The following PDSS2 variants were observed in gnomAD, a reference collection of about 807,000 sequenced individuals.
PDSS2 encodes decaprenyl diphosphate synthase subunit 2.
PDSS2 carries 31 observed loss-of-function variants against 44.5 expected under a neutral mutation model. The observed-to-expected ratio is 0.70, with a 90% CI of 0.52 to 0.94. The LOEUF (loss-of-function observed/expected upper bound fraction) is 0.94. PDSS2 is among the 40% of genes least tolerant of loss of function. The probability of loss-of-function intolerance (pLI) is 0.00; values close to 1 mark genes in which losing one functional copy is unlikely to be tolerated. For missense variants in PDSS2, 452 were observed against 482.2 expected (o/e 0.94, Z 0.59); for synonymous variants, 157 against 180.3 (o/e 0.87, Z 1.03).
intron 1 of PDSS2, among the ~76,000 whole-genome samples, chr6:107,351,028 T>TATACACAAA (rs1778418645): frequency 6.6e-6 from 1 of 151,878 alleles, no homozygotes; most frequent in Admixed American, 6.6e-5. Flanking sequence ...ATACACAAAT[T>TATACACAAA]AATTTAAATA....
intron 1 of PDSS2, among the ~76,000 whole-genome samples, chr6:107,358,272 G>GC (rs1353293889): frequency 6.6e-6 from 1 of 152,090 alleles, no homozygotes; most frequent in East Asian, 1.9e-4. Flanking sequence ...TGCAAATATT[G>GC]CAAAACTCAA....
rs752471372 is a variant in PDSS2, at chr6:107,274,013, C to A, written c.630+16G>T. 17 of 1,611,054 alleles carry A rather than the reference C, an allele frequency of 1.1e-5. No individual in the cohort carries two copies. Among genetic ancestry groups the A allele is most frequent in the Middle Eastern group, 1.6e-4 (1 of 6,082 alleles). On this transcript the variant is annotated intron_variant, in intron 3 of 7. Transcript: ENST00000369037. The stretch of plus-strand genomic sequence containing the variant: ...CTGAAGCCATTCAGGTACAACAAAA[C>A]CCTGCCCAATTTTACCTTGGTGTTC...
intron 1 of PDSS2, among the ~76,000 whole-genome samples, chr6:107,387,299 A>G (rs867881926): frequency 2.0e-5 from 3 of 152,220 alleles, no homozygotes; most frequent in Admixed American, 6.5e-5. Context: ...TAGAATCTTC[A>G]CTTGCATGAC....
At chr6:107,206,996 GT>G (rs200710467) in intron 6 of PDSS2, among the ~76,000 whole-genome samples, 27,904 of 142,186 alleles carry the variant, frequency 0.2, 3,196 homozygotes, top group East Asian at 0.5. Flanking sequence ...TGCTATTATT[GT>G]TTTTTTTTTT....
chr6:107,318,806 G>C (rs1053406095), intron 2 of PDSS2, among the ~76,000 whole-genome samples: 8 of 152,098 alleles, frequency 5.3e-5, no homozygotes, highest in Admixed American at 3.3e-4. Flanking sequence ...AGGCAACATG[G>C]TGAAACCCCA....
intron 4 of PDSS2, among the ~76,000 whole-genome samples, chr6:107,231,226 T>G (rs535597451): frequency 3.9e-5 from 6 of 152,294 alleles, no homozygotes; most frequent in Non-Finnish European, 5.9e-5. Flanking sequence ...TTTTGTGCAA[T>G]GCAATAAGTT....
intron 4 of PDSS2, among the ~76,000 whole-genome samples, chr6:107,225,155 ATATATATT>A (rs1773761236): frequency 1.9e-5 from 1 of 51,454 alleles, no homozygotes; most frequent in Non-Finnish European, 3.4e-5. Flanking sequence ...ATATATATAT[ATATATATT>A]TTTTTTTTTT....
chr6:107,317,493 T>C (rs762278422), intron 2 of PDSS2, among the ~76,000 whole-genome samples: 1 of 152,198 alleles, frequency 6.6e-6, no homozygotes, highest in Non-Finnish European at 1.5e-5. Context: ...GTGATGAGCC[T>C]ATTTTATCTC....
At position 107,153,583 on chromosome 6, in the gene PDSS2, A is replaced by T. The variant is rs189197020; in HGVS notation, c.*1036T>A. Reference sequence around the variant, plus strand: ...TCCTTTTTCCTTAAAGAAAAAAAAAATTTGGTTCTTTGAAATGTGTTTGAA... The same window carrying T: ...TCCTTTTTCCTTAAAGAAAAAAAAATTTTGGTTCTTTGAAATGTGTTTGAA... On this transcript the variant is annotated 3_prime_UTR_variant, in exon 8 of 8. Coordinates refer to ENST00000369037, the MANE Select transcript of PDSS2 (RefSeq NM_020381.4). 2.4e-4 allele frequency: 37 copies of T among 152,728 alleles called. No homozygotes were observed. The highest frequency in any genetic ancestry group is 7.9e-4 in the African/African-American group (33 of 41,566). 9.5% of individuals were successfully genotyped at this position (152,728 alleles called of 1,614,324 possible).
At chr6:107,365,202 A>G (rs1048658311) in intron 1 of PDSS2, among the ~76,000 whole-genome samples, 11 of 152,312 alleles carry the variant, frequency 7.2e-5, no homozygotes, top group Non-Finnish European at 1.5e-4. Context: ...CTTATAATAT[A>G]TAGAAATATA....
chr6:107,219,372 C>T (rs1016482120), intron 4 of PDSS2, among the ~76,000 whole-genome samples: 1 of 152,132 alleles, frequency 6.6e-6, no homozygotes, highest in African/African-American at 2.4e-5. Flanking sequence ...ACTGCAACCT[C>T]CGCCTCCCAG....
intron 3 of PDSS2, among the ~76,000 whole-genome samples, chr6:107,265,133 A>G (rs540940381): frequency 6.6e-6 from 1 of 152,338 alleles, no homozygotes; most frequent in African/African-American, 2.4e-5. Flanking sequence ...CTATACTTGA[A>G]GATATTTAAA....
intron 7 of PDSS2, among the ~76,000 whole-genome samples, chr6:107,186,371 T>C (rs1167594120): frequency 6.6e-6 from 1 of 152,158 alleles, no homozygotes; most frequent in Admixed American, 6.5e-5. Context: ...GATTTTAAAA[T>C]GATCACCTCT....
chr6:107,443,052 G>C (rs923519993), intron 1 of PDSS2, among the ~76,000 whole-genome samples: 2 of 152,154 alleles, frequency 1.3e-5, no homozygotes, highest in African/African-American at 4.8e-5. Flanking sequence ...AAATCCTGGG[G>C]AGGGGAAGGG....
At chr6:107,300,476 G>A (rs972965848) in intron 2 of PDSS2, among the ~76,000 whole-genome samples, 2 of 152,154 alleles carry the variant, frequency 1.3e-5, no homozygotes, top group Non-Finnish European at 2.9e-5. Flanking sequence ...GCCTAGCTGG[G>A]GAAGGAGACC....
intron 1 of PDSS2, among the ~76,000 whole-genome samples, chr6:107,343,560 C>A (rs796598063): frequency 6.6e-6 from 1 of 152,260 alleles, no homozygotes; most frequent in African/African-American, 2.4e-5. Context: ...TGTCCACACA[C>A]TAGCACAAAT....
At chr6:107,156,035 G>A (rs1244650360) in intron 7 of PDSS2, among the ~76,000 whole-genome samples, 4 of 149,950 alleles carry the variant, frequency 2.7e-5, no homozygotes, top group Admixed American at 1.3e-4. Flanking sequence ...GATTACAGGC[G>A]CCTGCCACCA....
At chr6:107,175,896 A>G (rs1264882264) in intron 7 of PDSS2, among the ~76,000 whole-genome samples, 1 of 152,210 alleles carries the variant, frequency 6.6e-6, no homozygotes, top group Non-Finnish European at 1.5e-5. Context: ...CAAAACTAGT[A>G]TATTTTTACT....
intron 7 of PDSS2, among the ~76,000 whole-genome samples, chr6:107,190,873 G>A (rs988908389): frequency 1.6e-4 from 24 of 152,116 alleles, no homozygotes; most frequent in African/African-American, 4.6e-4. Context: ...CGAATGTGCC[G>A]GATAGACAAC....
Sources: allele counts gnomAD v4.1 joint callset (sites outside exome capture counted in the v4.1 genomes callset), GRCh38; gene constraint gnomAD v4.1.1; transcripts MANE v1.5; gene names NCBI Gene and HGNC (gene_info 2026-07-23, HGNC 2026-07-21).